NHEJ1: variants seen among roughly 807,000 people sequenced by gnomAD.
The protein encoded by NHEJ1 is non-homologous end joining factor 1, also known as non-homologous end-joining factor 1.
Under a neutral mutation model 39.4 loss-of-function variants are expected in NHEJ1, and 22 were observed. The observed-to-expected ratio is 0.56, with a 90% CI of 0.40 to 0.80. The LOEUF (loss-of-function observed/expected upper bound fraction) is 0.80, where lower values mean the gene tolerates loss of function less well. NHEJ1 is among the 30% of genes least tolerant of loss of function. The pLI is 0.00. For missense variants in NHEJ1, 329 were observed against 357.1 expected (o/e 0.92, Z 0.63); for synonymous variants, 154 against 135.6 (o/e 1.14, Z -0.94).
chr2:219,080,132 C>T lies in NHEJ1; in HGVS notation c.589-1926G>A, dbSNP rs544636441. On this transcript the variant is annotated intron_variant, in intron 5 of 7. Coordinates refer to ENST00000356853, the MANE Select transcript of NHEJ1 (RefSeq NM_024782.3). ...TAATCTAAGCCCTTCCGCTGTCCTT[C>T]CCCTTCTCAGAGAGATCTGGTCCTG... Among the ~76,000 whole-genome samples the T allele has an allele frequency of 6.6e-5, 10 of 152,324 alleles. No individual in the cohort carries two copies. The South Asian group carries it at 1.9e-3, about 28-fold the overall frequency.
intron 5 of NHEJ1, among the ~76,000 whole-genome samples, chr2:219,117,697 T>C (rs991355569): frequency 5.9e-5 from 9 of 152,232 alleles, no homozygotes; most frequent in South Asian, 2.1e-4. Context: ...GGAAAGAGCA[T>C]AGGCTTTCAA....
intron 3 of NHEJ1, 99 bp downstream of exon 3, chr2:219,157,373 A>T: frequency 9.8e-7 from 1 of 1,017,718 alleles, no homozygotes; most frequent in Non-Finnish European, 1.5e-6. Flanking sequence ...ATTGGAGAAG[A>T]ATTTCAAACA....
chr2:219,081,979 C>T (rs1210168664), intron 5 of NHEJ1, among the ~76,000 whole-genome samples: 1 of 152,180 alleles, frequency 6.6e-6, no homozygotes, highest in Non-Finnish European at 1.5e-5. Context: ...TAAGGTTATG[C>T]CCATGGGAAT....
At chr2:219,081,447 G>C (rs1426538217) in intron 5 of NHEJ1, among the ~76,000 whole-genome samples, 1 of 152,176 alleles carries the variant, frequency 6.6e-6, no homozygotes, top group Non-Finnish European at 1.5e-5. Flanking sequence ...AGTGGGGAGG[G>C]AAAGAAGAGT....
chr2:219,138,881 T>C (rs751678297), intron 5 of NHEJ1, among the ~76,000 whole-genome samples: 2 of 152,212 alleles, frequency 1.3e-5, no homozygotes, highest in Non-Finnish European at 2.9e-5. Flanking sequence ...ATGTAGTCTA[T>C]GTAGATATGT....
rs528640917 is a variant in NHEJ1, at chr2:219,156,964, T to A, written c.390+508A>T. Among the ~76,000 whole-genome samples, 20 of 152,326 alleles carry A rather than the reference T, an allele frequency of 1.3e-4. 1 individual carries two copies. The South Asian group carries it at 4.1e-3, about 32-fold the overall frequency. On this transcript the variant is annotated intron_variant, in intron 3 of 7. Transcript: ENST00000356853. The stretch of plus-strand genomic sequence containing the variant: ...TCCTATCTACACAGCAGTCATGAAG[T>A]TCCCGAACTTGCTCCTCACTTACAC...
chr2:219,109,646 G>C (rs1949345542), intron 5 of NHEJ1, among the ~76,000 whole-genome samples: 1 of 152,072 alleles, frequency 6.6e-6, no homozygotes. Context: ...GCTGGTGTCT[G>C]GCAGAGAATA....
intron 5 of NHEJ1, chr2:219,125,804 C>T (rs183922488): frequency 6.6e-6 from 1 of 152,402 alleles, no homozygotes; most frequent in African/African-American, 2.4e-5. Flanking sequence ...CCCCCAACAG[C>T]TAAAGGATAA....
chr2:219,090,919 G>A (rs1214218689), intron 5 of NHEJ1, among the ~76,000 whole-genome samples: 1 of 152,124 alleles, frequency 6.6e-6, no homozygotes, highest in African/African-American at 2.4e-5. Context: ...TGCTTTTACA[G>A]CACTCTATTC....
intron 2 of NHEJ1, 80 bp downstream of exon 2, chr2:219,158,106 A>G: frequency 6.8e-7 from 1 of 1,474,620 alleles, no homozygotes; most frequent in Non-Finnish European, 9.5e-7. Flanking sequence ...ACCCGATTCA[A>G]CCTTCCTTGG....
chr2:219,132,920 G>A (rs1359444046), intron 5 of NHEJ1, among the ~76,000 whole-genome samples: 4 of 152,136 alleles, frequency 2.6e-5, no homozygotes, highest in South Asian at 2.1e-4. Flanking sequence ...TTTAAGGGCA[G>A]AAAACATGTT....
At chr2:219,158,153 C>T (rs902372727) in intron 2 of NHEJ1, 33 bp downstream of exon 2, 2 of 1,612,922 alleles carry the variant, frequency 1.2e-6, no homozygotes, top group Admixed American at 1.7e-5. Context: ...ATGTTCACAT[C>T]CCCGACACAG....
Position 219,086,037 on chromosome 2 carries a change from A to G in NHEJ1, c.589-7831T>C, listed in dbSNP as rs1433461955. ...GAGGAGGGAGATGTGAAGAAAGACT[A>G]TAAAAAGAGGTCCAAACAGAAGGCT... On this transcript the variant is annotated intron_variant, in intron 5 of 7. Transcript: ENST00000356853. Among the ~76,000 whole-genome samples the G allele has an allele frequency of 2.6e-5, 4 of 152,200 alleles. No homozygotes were observed. In the South Asian group the frequency reaches 6.2e-4, roughly 24 times the overall value.
chr2:219,104,501 G>A (rs1949296223), intron 5 of NHEJ1, among the ~76,000 whole-genome samples: 1 of 152,148 alleles, frequency 6.6e-6, no homozygotes, highest in African/African-American at 2.4e-5. Flanking sequence ...TGAAGAATCA[G>A]AGGTTCCCTA....
intron 1 of NHEJ1, chr2:219,160,516 T>G (rs1949923096): frequency 6.6e-6 from 1 of 151,796 alleles, no homozygotes; most frequent in African/African-American, 2.4e-5. Flanking sequence ...GTACCTTCAC[T>G]CGAGCCCTAC....
chr2:219,076,423 C>T lies in NHEJ1; in HGVS notation c.858G>A (p.Leu286=). The stretch of plus-strand genomic sequence containing the variant: ...TTGGCTTCTTCCTCTTGACCTTTGA[C>T]AGCTGAGGTCTCTGCAGAGGGCCTG... ...GTSGPLQRPQ[L]SKVKRKKPRG... The change falls in exon 8 of 8, where the codon CTG becomes CTA. Residue 286 remains leucine (L), a synonymous_variant. Coordinates refer to ENST00000356853, the MANE Select transcript of NHEJ1 (RefSeq NM_024782.3). 6 of 1,614,132 alleles carry T rather than the reference C, an allele frequency of 3.7e-6. No homozygotes were observed. The highest frequency in any genetic ancestry group is 5.1e-6 in the Non-Finnish European group (6 of 1,180,028).
intron 1 of NHEJ1, chr2:219,160,473 G>A (rs1285020939): frequency 2.0e-5 from 3 of 152,256 alleles, no homozygotes; most frequent in Non-Finnish European, 4.4e-5. Flanking sequence ...CCGGCCACCA[G>A]CGGCTTCGTC....
At position 219,076,544 on chromosome 2, in the gene NHEJ1, G is replaced by GTA. The variant is rs1297389416; in HGVS notation, c.826-90_826-89insTA. Reference sequence around the variant, plus strand: ...AACTTTCTTCCTCTCATGGCTCCTGGTTAGGATGAGGCCTTTTTTTTTTTT... The same window carrying GTA: ...AACTTTCTTCCTCTCATGGCTCCTGGTATTAGGATGAGGCCTTTTTTTTTTTT... On this transcript the variant is annotated intron_variant, in intron 7 of 7. Transcript: ENST00000356853. 3 of 893,710 alleles carry GTA rather than the reference G, an allele frequency of 3.4e-6. No homozygotes were observed. The African/African-American group carries it at 5.2e-5, about 15-fold the overall frequency. The allele number at this position is 893,710 out of a possible 1,614,324, so 55.4% of individuals were successfully genotyped here. A position where few individuals can be genotyped will look rare whatever the true frequency, so the allele number is the denominator to read the frequency against.
At chr2:219,137,466 G>T (rs965679731) in intron 5 of NHEJ1, among the ~76,000 whole-genome samples, 1 of 148,340 alleles carries the variant, frequency 6.7e-6, no homozygotes, top group Non-Finnish European at 1.5e-5. Context: ...CAAGGAGAAT[G>T]TGCCCCATCT....
Sources: gnomAD v4.1 joint callset for allele counts (sites outside exome capture counted in the v4.1 genomes callset) on GRCh38, gnomAD v4.1.1 for gene constraint, MANE v1.5 for transcripts, NCBI Gene and HGNC (gene_info 2026-07-23, HGNC 2026-07-21) for gene names.